ZEB1: variants seen among roughly 807,000 people sequenced by gnomAD.
ZEB1 encodes zinc finger E-box binding homeobox 1, also known as zinc finger E-box-binding homeobox 1.
In ZEB1, 21 loss-of-function variants were observed where a neutral mutation model predicts 84.9. That is an observed-to-expected ratio of 0.25 (90% CI 0.18 to 0.36). ZEB1 has a LOEUF of 0.36. Ranked by LOEUF, ZEB1 falls within the 10% of genes least tolerant of loss-of-function variation. The probability of loss-of-function intolerance (pLI) is 1.00; values close to 1 mark genes in which losing one functional copy is unlikely to be tolerated. For missense variants in ZEB1, 1,104 were observed against 1,330.2 expected (o/e 0.83, Z 2.65); for synonymous variants, 420 against 471.1 (o/e 0.89, Z 1.41).
intron 1 of ZEB1, among the ~76,000 whole-genome samples, chr10:31,428,273 C>T (rs1293234313): frequency 2.0e-5 from 3 of 152,104 alleles, no homozygotes; most frequent in Non-Finnish European, 4.4e-5. Flanking sequence ...TCTTTGTTCC[C>T]ATTAGTTTTA....
chr10:31,447,864 C>G (rs1451638109), intron 1 of ZEB1, among the ~76,000 whole-genome samples: 1 of 152,200 alleles, frequency 6.6e-6, no homozygotes, highest in African/African-American at 2.4e-5. Context: ...TTCATTTCAA[C>G]TTTGGTGAAT....
intron 1 of ZEB1, among the ~76,000 whole-genome samples, chr10:31,407,061 T>C (rs532284233): frequency 6.6e-6 from 1 of 152,014 alleles, no homozygotes; most frequent in Admixed American, 6.6e-5. Context: ...ATATGTTTTG[T>C]TTTTTTGTTT....
At chr10:31,447,802 C>G (rs1232034971) in intron 1 of ZEB1, among the ~76,000 whole-genome samples, 5 of 152,170 alleles carry the variant, frequency 3.3e-5, no homozygotes, top group Admixed American at 1.3e-4. Context: ...TGATGGGCTT[C>G]CCTTTGAGGG....
At position 31,405,991 on chromosome 10, in the gene ZEB1, A is replaced by G. The variant is rs375447296; in HGVS notation, c.59-55046A>G. On this transcript the variant is annotated intron_variant, in intron 1 of 8. Coordinates refer to ENST00000424869, the MANE Select transcript of ZEB1 (RefSeq NM_001174096.2). ...AGTTTGCTGAGAATGATGGTTTCCA[A>G]CTTCATCCATGTCCCTGCAAAGGAC... is the stretch of plus-strand genomic sequence containing the variant. Among the ~76,000 whole-genome samples, 293 of 152,130 alleles carry G rather than the reference A, an allele frequency of 1.9e-3. 6 individuals carry two copies. The highest frequency in any genetic ancestry group is 6.7e-3 in the African/African-American group (280 of 41,500).
intron 7 of ZEB1, among the ~76,000 whole-genome samples, chr10:31,523,129 A>C (rs1447738268): frequency 6.6e-6 from 1 of 152,190 alleles, no homozygotes; most frequent in Non-Finnish European, 1.5e-5. Context: ...AAAACCTTCA[A>C]CTTTTAGAAA....
intron 1 of ZEB1, among the ~76,000 whole-genome samples, chr10:31,394,988 G>T (rs2050432192): frequency 6.6e-6 from 1 of 152,128 alleles, no homozygotes; most frequent in Non-Finnish European, 1.5e-5. Flanking sequence ...CTTGGGCAGG[G>T]GTTAATGGCA....
chr10:31,352,413 A>G (rs983081994), intron 1 of ZEB1, among the ~76,000 whole-genome samples: 1 of 152,202 alleles, frequency 6.6e-6, no homozygotes, highest in African/African-American at 2.4e-5. Flanking sequence ...GTTGAAATAC[A>G]TTTCTAAGGA....
rs1018658918 is a variant in ZEB1 at position 31,467,854 on chromosome 10, G to A, written c.259+6617G>A. Among the ~76,000 whole-genome samples the A allele has an allele frequency of 5.3e-5, 8 of 152,262 alleles. No individual in the cohort carries two copies. The East Asian group carries it at 7.7e-4, about 15-fold the overall frequency. ...GTATAGCCTCATAGCCTTGCTTTCT[G>A]CTGCAGGGAGTCTTGCATTCTGGAA... On this transcript the variant is annotated intron_variant, in intron 2 of 8. Transcript: ENST00000424869.
intron 1 of ZEB1, among the ~76,000 whole-genome samples, chr10:31,362,075 C>T (rs190596225): frequency 0.014 from 1,969 of 143,858 alleles, 33 homozygotes; most frequent in African/African-American, 0.048. Flanking sequence ...ATTTCCCACA[C>T]GGTGAGGAGG....
At chr10:31,397,918 T>C (rs966565270) in intron 1 of ZEB1, among the ~76,000 whole-genome samples, 2 of 152,180 alleles carry the variant, frequency 1.3e-5, no homozygotes, top group Non-Finnish European at 2.9e-5. Flanking sequence ...GATATTATTT[T>C]TGAAGTTGGG....
intron 1 of ZEB1, among the ~76,000 whole-genome samples, chr10:31,399,295 C>T (rs964697156): frequency 1.3e-5 from 2 of 151,946 alleles, no homozygotes; most frequent in Admixed American, 6.6e-5. Flanking sequence ...GTGCCTGGCC[C>T]CTGTAGTCTT....
chr10:31,479,179 C>G (rs1043434288), intron 2 of ZEB1, among the ~76,000 whole-genome samples: 2 of 151,590 alleles, frequency 1.3e-5, no homozygotes, highest in African/African-American at 4.8e-5. Context: ...TACAACCTAC[C>G]AAGATATACC....
At chr10:31,514,792 A>G in intron 6 of ZEB1, 84 bp downstream of exon 6, 1 of 1,125,460 alleles carries the variant, frequency 8.9e-7, no homozygotes, top group Non-Finnish European at 1.3e-6. Flanking sequence ...ATCTACGTAC[A>G]TGATCAGAAA....
intron 1 of ZEB1, chr10:31,363,540 C>T (rs1227775259): frequency 6.5e-7 from 1 of 1,528,190 alleles, no homozygotes; most frequent in Non-Finnish European, 8.8e-7. Context: ...TGTCCTCCTG[C>T]CCCTGGGTCT....
At chr10:31,401,161 T>C (rs759107899) in intron 1 of ZEB1, among the ~76,000 whole-genome samples, 58 of 152,322 alleles carry the variant, frequency 3.8e-4, no homozygotes, top group African/African-American at 1.2e-3. Flanking sequence ...ATAAAAATCA[T>C]AGGGCTTATG....
chr10:31,380,593 A>G (rs546521259), intron 1 of ZEB1, among the ~76,000 whole-genome samples: 2 of 152,314 alleles, frequency 1.3e-5, no homozygotes, highest in South Asian at 4.1e-4. Context: ...TTGCAAGAGA[A>G]TGAATTTTTA....
intron 1 of ZEB1, among the ~76,000 whole-genome samples, chr10:31,401,101 A>G (rs1028143775): frequency 1.3e-5 from 2 of 152,130 alleles, no homozygotes; most frequent in South Asian, 2.1e-4. Flanking sequence ...AACTTCTTGC[A>G]TTTGCCTAAA....
At chr10:31,507,097 T>G (rs2069111639) in intron 4 of ZEB1, among the ~76,000 whole-genome samples, 1 of 152,144 alleles carries the variant, frequency 6.6e-6, no homozygotes, top group Admixed American at 6.5e-5. Context: ...ATAATTTTGC[T>G]GGGTATGATA....
chr10:31,438,794 C>T (rs1317389211), intron 1 of ZEB1, among the ~76,000 whole-genome samples: 10 of 152,154 alleles, frequency 6.6e-5, no homozygotes, highest in African/African-American at 1.2e-4. Context: ...CAGTGAGCTA[C>T]GATCATGCCA....
Sources: allele counts gnomAD v4.1 joint callset (sites outside exome capture counted in the v4.1 genomes callset), GRCh38; gene constraint gnomAD v4.1.1; transcripts MANE v1.5; gene names NCBI Gene and HGNC (gene_info 2026-07-23, HGNC 2026-07-21).